Variants in GRID2 observed in about 807,000 individuals in gnomAD.
GRID2 encodes the protein glutamate ionotropic receptor delta type subunit 2, also known as glutamate receptor ionotropic, delta-2.
In GRID2, 33 loss-of-function variants were observed where a neutral mutation model predicts 114.8. The observed-to-expected ratio is 0.29, with a 90% CI of 0.22 to 0.38. GRID2 has a LOEUF of 0.38. Among genes scored for constraint, GRID2 ranks in the 10% least tolerant of loss-of-function variants. The pLI is 1.00. For missense variants in GRID2, 1,184 were observed against 1,257.7 expected (o/e 0.94, Z 0.89); for synonymous variants, 505 against 449.9 (o/e 1.12, Z -1.55).
At chr4:92,472,555 A>G (rs536994491) in intron 1 of GRID2, among the ~76,000 whole-genome samples, 13 of 152,298 alleles carry the variant, frequency 8.5e-5, no homozygotes, top group African/African-American at 3.1e-4. Context: ...GTAATGTATA[A>G]GAGTTTCAGT....
intron 8 of GRID2, among the ~76,000 whole-genome samples, chr4:93,315,382 G>A (rs1251708869): frequency 1.3e-5 from 2 of 151,926 alleles, no homozygotes; most frequent in Non-Finnish European, 2.9e-5. Flanking sequence ...TATATGCTTC[G>A]ACCAGCATCT....
At chr4:92,540,131 A>G (rs1416663825) in intron 1 of GRID2, among the ~76,000 whole-genome samples, 1 of 152,216 alleles carries the variant, frequency 6.6e-6, no homozygotes, top group African/African-American at 2.4e-5. Flanking sequence ...TTTACACCTT[A>G]TACAAAAATT....
chr4:93,276,262 A>G (rs1752048185), intron 8 of GRID2, among the ~76,000 whole-genome samples: 1 of 152,028 alleles, frequency 6.6e-6, no homozygotes. Flanking sequence ...ATTGACTATA[A>G]ATATGAGTTC....
At chr4:93,721,373 A>G (rs1160459714) in intron 14 of GRID2, among the ~76,000 whole-genome samples, 1 of 152,234 alleles carries the variant, frequency 6.6e-6, no homozygotes, top group East Asian at 1.9e-4. Context: ...GGGTGGTTAG[A>G]ATTTGTTCAC....
chr4:92,484,149 C>T (rs1226342787), intron 1 of GRID2, among the ~76,000 whole-genome samples: 2 of 152,114 alleles, frequency 1.3e-5, no homozygotes, highest in Admixed American at 6.6e-5. Flanking sequence ...AACATTTTAA[C>T]TGACAATAGT....
Position 93,422,861 on chromosome 4 carries a change from A to G in GRID2, c.1438A>G (p.Asn480Asp). The change falls in exon 10 of 16, where the codon AAC becomes GAC. Residue 480 changes from asparagine (N) to aspartate (D), a missense_variant. Around this residue, in one of 3 missense-constraint regions of GRID2, gnomAD observed 717 missense variants for 796.9 expected, o/e 0.90. Transcript: ENST00000282020. ...CATTGATGTTTTGGATGCCTTATCT[A>G]ACTACCTGGGTTTTAACTACGAAAT... is the stretch of plus-strand genomic sequence containing the variant. ...FSIDVLDALS[N>D]YLGFNYEIYV... The G allele has an allele frequency of 3.7e-6, 6 of 1,613,148 alleles. No individual in the cohort carries two copies. Among genetic ancestry groups the G allele is most frequent in the Non-Finnish European group, 5.1e-6 (6 of 1,179,126 alleles).
rs1205100018 is a variant in GRID2, at chr4:93,611,135, G to C, written c.2194-15134G>C. Among the ~76,000 whole-genome samples, 31 of 107,612 alleles carry C rather than the reference G, an allele frequency of 2.9e-4. 3 individuals are homozygous for C. Among genetic ancestry groups the C allele is most frequent in the African/African-American group, 1.3e-3 (30 of 23,474 alleles). 70.6% of individuals were successfully genotyped at this position (107,612 alleles called of 152,430 possible). ...TTGTAGTATTCTCTGATGGTAGTTTGTATTTCTGTGGGATCGGTGGTGATA... is the reference window on the plus strand; with the variant it reads ...TTGTAGTATTCTCTGATGGTAGTTTCTATTTCTGTGGGATCGGTGGTGATA... On this transcript the variant is annotated intron_variant, in intron 13 of 15. Coordinates refer to ENST00000282020, the MANE Select transcript of GRID2 (RefSeq NM_001510.4).
At chr4:92,712,278 T>C (rs1735294698) in intron 2 of GRID2, among the ~76,000 whole-genome samples, 1 of 152,204 alleles carries the variant, frequency 6.6e-6, no homozygotes, top group African/African-American at 2.4e-5. Context: ...AGGTATTTCA[T>C]TTAGCTATGT....
chr4:92,835,634 AC>A (rs1381380367), intron 2 of GRID2, among the ~76,000 whole-genome samples: 1 of 151,974 alleles, frequency 6.6e-6, no homozygotes, highest in African/African-American at 2.4e-5. Flanking sequence ...AAATGGGACC[AC>A]CCCCCATGCC....
At position 92,717,345 on chromosome 4, in the gene GRID2, T is replaced by A. The variant is rs1249042878; in HGVS notation, c.244+127059T>A. 6.6e-5 allele frequency among the ~76,000 whole-genome samples: 10 copies of A among 152,308 alleles called. No individual in the cohort carries two copies. The South Asian group carries it at 1.9e-3, about 28-fold the overall frequency. On this transcript the variant is annotated intron_variant, in intron 2 of 15. Transcript: ENST00000282020. ...AAGAATAAACCTTAATAGCCAGAAATTCTTGGCAACAGTGCCAAAGAAATG... is the reference window on the plus strand; with the variant it reads ...AAGAATAAACCTTAATAGCCAGAAAATCTTGGCAACAGTGCCAAAGAAATG...
intron 1 of GRID2, among the ~76,000 whole-genome samples, chr4:92,488,275 C>G (rs1053505663): frequency 6.6e-6 from 1 of 152,090 alleles, no homozygotes; most frequent in Non-Finnish European, 1.5e-5. Context: ...GCTGAATAAT[C>G]TACAAAATTA....
At chr4:92,733,336 C>T (rs772693738) in intron 2 of GRID2, among the ~76,000 whole-genome samples, 2 of 152,048 alleles carry the variant, frequency 1.3e-5, no homozygotes, top group Admixed American at 6.6e-5. Flanking sequence ...TTTTCTGTTA[C>T]CTTTATACTT....
At chr4:92,771,655 C>G (rs1738552620) in intron 2 of GRID2, among the ~76,000 whole-genome samples, 2 of 152,168 alleles carry the variant, frequency 1.3e-5, no homozygotes, top group Non-Finnish European at 2.9e-5. Flanking sequence ...GAATCTTCAT[C>G]TAGTTTCAGA....
At chr4:92,520,615 G>A (rs539456572) in intron 1 of GRID2, among the ~76,000 whole-genome samples, 6 of 151,858 alleles carry the variant, frequency 4.0e-5, no homozygotes, top group Non-Finnish European at 7.4e-5. Context: ...GCTAATAGGC[G>A]CCCTAAAGAT....
chr4:92,876,568 G>T (rs1196077672), intron 2 of GRID2, among the ~76,000 whole-genome samples: 3 of 152,152 alleles, frequency 2.0e-5, no homozygotes, highest in Non-Finnish European at 4.4e-5. Context: ...GCCTCCCAAA[G>T]TGCTAGGATT....
chr4:93,519,474 A>C (rs1730122440), intron 13 of GRID2, among the ~76,000 whole-genome samples: 1 of 152,290 alleles, frequency 6.6e-6, no homozygotes, highest in East Asian at 1.9e-4. Flanking sequence ...TAGGACATAA[A>C]CAGATACAGC....
chr4:92,566,575 C>G (rs533899786), intron 1 of GRID2, among the ~76,000 whole-genome samples: 1 of 151,906 alleles, frequency 6.6e-6, no homozygotes, highest in African/African-American at 2.4e-5. Context: ...TTTCTTGTCT[C>G]TCTATGCTCC....
chr4:93,551,571 T>C (rs1277857680), intron 13 of GRID2, among the ~76,000 whole-genome samples: 1 of 152,164 alleles, frequency 6.6e-6, no homozygotes, highest in Non-Finnish European at 1.5e-5. Flanking sequence ...TGATGTAGTG[T>C]TTCATAGGTA....
exon 2 of GRID2, chr4:93,807,485 T>G (rs913051003): frequency 1.7e-4 from 26 of 152,180 alleles, no homozygotes; most frequent in African/African-American, 6.0e-4. Flanking sequence ...CAAGGGACAT[T>G]ACCTTTTTCC....
Sources: allele counts gnomAD v4.1 joint callset (sites outside exome capture counted in the v4.1 genomes callset), GRCh38; gene constraint gnomAD v4.1.1; regional missense constraint gnomAD v4.1.1; transcripts MANE v1.5; gene names NCBI Gene and HGNC (gene_info 2026-07-23, HGNC 2026-07-21).